The following CCDC40 variants were observed in gnomAD, a reference collection of about 807,000 sequenced individuals.
The protein encoded by CCDC40 is coiled-coil domain-containing protein 40.
Under a neutral mutation model 124.5 loss-of-function variants are expected in CCDC40, and 104 were observed. That is an observed-to-expected ratio of 0.84 (90% CI 0.71 to 0.98). The LOEUF (loss-of-function observed/expected upper bound fraction) is 0.98. Among genes scored for constraint, CCDC40 ranks in the 50% least tolerant of loss-of-function variants. CCDC40 has a pLI of 0.00. For synonymous variants in CCDC40, 580 were observed against 602.9 expected, an observed-to-expected ratio of 0.96 and a Z score of 0.56; for missense variants, 1,463 against 1,503.9, an observed-to-expected ratio of 0.97 and a Z score of 0.45.
In CCDC40 at chr17:80,082,035, C is replaced by T. The variant is rs2038463755; in HGVS notation, c.1966C>T (p.Leu656=). The T allele has an allele frequency of 6.2e-7, 1 of 1,613,196 alleles. No individual in the cohort carries two copies. Among genetic ancestry groups the T allele is most frequent in the Non-Finnish European group, 8.5e-7 (1 of 1,179,906 alleles). ...ATACTTCAACCAGCTCATCCTGAGGCTGCAGAAGGAGAAGACCAACATGGT... is the reference window on the plus strand; with the variant it reads ...ATACTTCAACCAGCTCATCCTGAGGTTGCAGAAGGAGAAGACCAACATGGT... ...TKYFNQLILR[L]QKEKTNMMTH... Residue 656 remains leucine, a synonymous_variant, in exon 12 of 20, where the codon CTG becomes TTG. Coordinates refer to ENST00000397545, the MANE Select transcript of CCDC40 (RefSeq NM_017950.4).
rs60684213 is a variant in CCDC40 at position 80,086,090 on chromosome 17, G to C, written c.2323G>C (p.Val775Leu). The C allele has an allele frequency of 6.2e-7, 1 of 1,614,078 alleles. No homozygotes were observed. Among genetic ancestry groups the C allele is most frequent in the Non-Finnish European group, 8.5e-7 (1 of 1,180,012 alleles). ...CGATGGCAAGGCGGTCCAGGCCCAG[G>C]TGACCTGGCTGCGCCTGCAGCAGGA... Reference protein sequence around the residue: ...EHDGKAVQAQVTWLRLQQEMV... With the variant: ...EHDGKAVQAQLTWLRLQQEMV... Residue 775 changes from valine to leucine, a missense_variant, in exon 14 of 20, where the codon GTG (valine) becomes CTG (leucine). Coordinates refer to ENST00000397545, the MANE Select transcript of CCDC40 (RefSeq NM_017950.4). The surrounding 1 kb of genome is among the most constrained non-coding windows in gnomAD (Gnocchi z 5.5).
intron 7 of CCDC40, among the ~76,000 whole-genome samples, chr17:80,057,792 C>T (rs2037788773): frequency 1.3e-5 from 2 of 151,598 alleles, no homozygotes; most frequent in Non-Finnish European, 2.9e-5. Flanking sequence ...AGGAGAATGG[C>T]GTGAACCCTG....
At chr17:80,052,519 A>G (rs1277684099) in intron 7 of CCDC40, among the ~76,000 whole-genome samples, 1 of 152,192 alleles carries the variant, frequency 6.6e-6, no homozygotes, top group Non-Finnish European at 1.5e-5. Context: ...TCACAGACAC[A>G]CCCAGGATCA....
chr17:80,037,690 GATATACATAT>G (rs1294464580), intron 1 of CCDC40, among the ~76,000 whole-genome samples: 32 of 92,090 alleles, frequency 3.5e-4, no homozygotes, highest in South Asian at 1.7e-3. Flanking sequence ...TTTTAAAAAA[GATATACATAT>G]ATATATATAT....
chr17:80,097,863 G>T, intron 19 of CCDC40: 1 of 190,610 alleles, frequency 5.2e-6, no homozygotes, highest in Non-Finnish European at 1.1e-5. Flanking sequence ...TTGTACCACT[G>T]CACTCCAGCC....
rs757748232 is a variant in CCDC40 at position 80,037,690 on chromosome 17, G to GATATATATATATATATATATATAT, written c.30-428_30-427insTATATATATATATATATATATATA. 6.6e-3 allele frequency among the ~76,000 whole-genome samples: 607 copies of GATATATATATATATATATATATAT among 91,904 alleles called. 55 individuals carry two copies. Among genetic ancestry groups the GATATATATATATATATATATATAT allele is most frequent in the Non-Finnish European group, 8.4e-3 (385 of 45,892 alleles). 60.3% of individuals were successfully genotyped at this position (91,904 alleles called of 152,430 possible). On this transcript the variant is annotated intron_variant, in intron 1 of 19. Coordinates refer to ENST00000397545, the MANE Select transcript of CCDC40 (RefSeq NM_017950.4). ...CTTGAATCTTTAATTTTTTAAAAAA[G>GATATATATATATATATATATATAT]ATATACATATATATATATATATATA...
Position 80,087,112 on chromosome 17 carries a change from T to G in CCDC40, c.2450-495T>G. ...AGCCCTGTGAGGAGTGGCCAGCGGA[T>G]GAACCAGCTGTGGCCTCTTGTGCCC... On this transcript the variant is annotated intron_variant, in intron 14 of 19. Transcript: ENST00000397545. This position sits in a 1 kb window ranked among gnomAD's most constrained non-coding sequence, Gnocchi z 4.5. 1 of 211,668 alleles carries G rather than the reference T, an allele frequency of 4.7e-6. No individual in the cohort carries two copies. The highest frequency in any genetic ancestry group is 9.6e-6 in the Non-Finnish European group (1 of 103,702). The allele number at this position is 211,668 out of a possible 1,614,324, so 13.1% of individuals were successfully genotyped here.
At chr17:80,088,397 G>A in intron 16 of CCDC40, 1 of 439,634 alleles carries the variant, frequency 2.3e-6, no homozygotes. Flanking sequence ...GATTACAGGT[G>A]CCCGCCACCA....
In CCDC40 at chr17:80,081,712, G is replaced by A. The variant is rs775891024; in HGVS notation, c.1729G>A (p.Val577Met). Residue 577 changes from valine to methionine, a missense_variant, in exon 11 of 20, where the codon GTG becomes ATG. Coordinates refer to ENST00000397545, the MANE Select transcript of CCDC40 (RefSeq NM_017950.4). ...CACCACCCAGTGCCTGACCAAGCAG[G>A]TGGCCCTGCAGAGCCAGTTCAATAC... ...KLTTQCLTKQ[V>M]ALQSQFNTYR... The A allele has an allele frequency of 1.2e-6, 2 of 1,614,064 alleles. No homozygotes were observed. Among genetic ancestry groups the A allele is most frequent in the East Asian group, 2.2e-5 (1 of 44,886 alleles).
intron 10 of CCDC40, among the ~76,000 whole-genome samples, chr17:80,068,740 C>G (rs1436868393): frequency 1.3e-5 from 2 of 152,086 alleles, no homozygotes; most frequent in Admixed American, 1.3e-4. Context: ...CACACTTGTC[C>G]TGGAGTTAGT....
rs762961824 is a variant in CCDC40, at chr17:80,048,575, C to T, written c.677-8C>T. The T allele has an allele frequency of 2.1e-5, 34 of 1,609,598 alleles. No individual in the cohort carries two copies. Among genetic ancestry groups the T allele is most frequent in the Admixed American group, 1.3e-4 (8 of 59,958 alleles). On this transcript the variant is annotated splice_region_variant and splice_polypyrimidine_tract_variant and intron_variant, in intron 4 of 19. Transcript: ENST00000397545. ...GCTCCTCAATGGTGTCGCTGTCTCT[C>T]CCCCCAGTGATCCCCCCAGGGGTGC...
Position 80,086,004 on chromosome 17 carries a change from G to A in CCDC40, c.2237G>A (p.Gly746Glu), listed in dbSNP as rs2143748288. ...QLERMVSELG[G>E]EEVGPLELEI... ...CTTTTTGATGAATATCCGGTCTAGG[G>A]GGAAGAAGTGGGGCCCCTGGAGCTT... The change falls in exon 14 of 20, where the codon GGG becomes GAG. Residue 746 changes from glycine to glutamate, a missense_variant and splice_region_variant. Transcript: ENST00000397545. This position sits in a 1 kb window ranked among gnomAD's most constrained non-coding sequence, Gnocchi z 5.5. 2 of 1,613,976 alleles carry A rather than the reference G, an allele frequency of 1.2e-6. No individual in the cohort carries two copies. The highest frequency in any genetic ancestry group is 2.2e-5 in the East Asian group (1 of 44,862).
At chr17:80,052,670 G>C (rs1392436157) in intron 7 of CCDC40, among the ~76,000 whole-genome samples, 1 of 152,190 alleles carries the variant, frequency 6.6e-6, no homozygotes, top group Non-Finnish European at 1.5e-5. Context: ...GGCAAACCCA[G>C]CCCTGATTCT....
intron 9 of CCDC40, among the ~76,000 whole-genome samples, chr17:80,063,555 C>T (rs372358134): frequency 1.3e-5 from 2 of 152,166 alleles, no homozygotes; most frequent in African/African-American, 4.8e-5. Context: ...CACCTGCTGC[C>T]TGGGCCAGCT....
chr17:80,067,519 G>A lies in CCDC40; in HGVS notation c.1562+1913G>A, dbSNP rs1190336053. The A allele has an allele frequency of 8.0e-6, 11 of 1,367,748 alleles. No homozygotes were observed. In the East Asian group the frequency reaches 1.2e-4, roughly 15 times the overall value. The allele number at this position is 1,367,748 out of a possible 1,614,324, so 84.7% of individuals were successfully genotyped here. On this transcript the variant is annotated intron_variant, in intron 10 of 19. Coordinates refer to ENST00000397545, the MANE Select transcript of CCDC40 (RefSeq NM_017950.4). ...CCATTTAACAGCGTGTCCCTAGAGC[G>A]CTTCCCAAGTCAAAATATAAACACC...
rs372975825 is a variant in CCDC40, at chr17:80,095,442, C to T, written c.3012C>T (p.Asp1004=). The change falls in exon 18 of 20, where the codon GAC becomes GAT. Residue 1004 remains aspartate, a synonymous_variant. Coordinates refer to ENST00000397545, the MANE Select transcript of CCDC40 (RefSeq NM_017950.4). The part of the protein sequence containing the change: ...KQLELRRKIR[D]VRKATDECTK... ...TTGAGCTGCGCCGGAAAATCAGGGA[C>T]GTTCGCAAGGTAGGGAGCAGCGGAA... is the stretch of plus-strand genomic sequence containing the variant. The T allele has an allele frequency of 1.5e-5, 24 of 1,614,054 alleles. No individual in the cohort carries two copies. Among genetic ancestry groups the T allele is most frequent in the Middle Eastern group, 1.6e-4 (1 of 6,084 alleles).
At chr17:80,090,676 C>A in intron 17 of CCDC40, 1 of 1,431,480 alleles carries the variant, frequency 7.0e-7, no homozygotes, top group Non-Finnish European at 9.1e-7. Context: ...CGTTGTCTCT[C>A]CATGGTCACA....
At position 80,040,126 on chromosome 17, in the gene CCDC40, T is replaced by C. The variant is rs759112277; in HGVS notation, c.408T>C (p.Ala136=). The change falls in exon 3 of 20, where the codon GCT becomes GCC. Residue 136 remains alanine, a synonymous_variant. Coordinates refer to ENST00000397545, the MANE Select transcript of CCDC40 (RefSeq NM_017950.4). ...CATACGATAGTGTTAGCGGGGAGGC[T>C]GGTCTCCAAGGCTTCCAGCAAGAGG... The part of the protein sequence containing the change: ...EEAYDSVSGE[A]GLQGFQQEAT... 4 of 1,614,032 alleles carry C rather than the reference T, an allele frequency of 2.5e-6. No individual in the cohort carries two copies. The highest frequency in any genetic ancestry group is 1.7e-5 in the Admixed American group (1 of 59,994).
At chr17:80,043,222 C>T (rs1190445570) in intron 3 of CCDC40, among the ~76,000 whole-genome samples, 3 of 152,176 alleles carry the variant, frequency 2.0e-5, no homozygotes, top group Non-Finnish European at 4.4e-5. Context: ...GCACCTCCAT[C>T]CTTCTTTGAG....
Sources: allele counts gnomAD v4.1 joint callset (sites outside exome capture counted in the v4.1 genomes callset), GRCh38; gene constraint gnomAD v4.1.1; non-coding constraint Gnocchi (gnomAD v3.1); transcripts MANE v1.5; gene names NCBI Gene and HGNC (gene_info 2026-07-23, HGNC 2026-07-21).